Variants in DIAPH1 observed in about 807,000 individuals in gnomAD.
The protein encoded by DIAPH1 is diaphanous related formin 1.
In DIAPH1, 46 loss-of-function variants were observed where a neutral mutation model predicts 140.7. The observed-to-expected ratio is 0.33, with a 90% confidence interval of 0.26 to 0.42. The LOEUF is 0.42. DIAPH1 is among the 10% of genes least tolerant of loss of function. The pLI, the probability that DIAPH1 is intolerant of heterozygous loss-of-function variation, is 1.00. For synonymous variants in DIAPH1, 565 were observed against 551.6 expected (o/e 1.02, Z -0.34); for missense variants, 1,310 against 1,558.7 (o/e 0.84, Z 2.69).
chr5:141,578,526 G>C lies in DIAPH1; in HGVS notation c.1033C>G (p.Gln345Glu). The change falls in exon 10 of 28, where the codon CAG becomes GAG. Residue 345 changes from glutamine to glutamate, a missense_variant. By Grantham distance (29) the Gln-to-Glu change is conservative (BLOSUM62 2). Coordinates refer to ENST00000389054, the MANE Select transcript of DIAPH1 (RefSeq NM_005219.5). ...GTGTAATATCTTACCTGCAACACCT[G>C]ATGTAGCCCCAAACGCATCAGTTCA... ...RSELMRLGLH[Q>E]VLQDLREIEN... is the part of the protein sequence containing the mutation. 6.2e-7 allele frequency: 1 copy of C among 1,613,724 alleles called. No homozygotes were observed. The highest frequency in any genetic ancestry group is 8.5e-7 in the Non-Finnish European group (1 of 1,179,670).
chr5:141,601,764 T>C, intron 1 of DIAPH1, among the ~76,000 whole-genome samples: 1 of 152,248 alleles, frequency 6.6e-6, no homozygotes, highest in East Asian at 1.9e-4. Context: ...AGTATATTTA[T>C]TCTTTCATTA....
At chr5:141,558,342 T>G (rs1195727346) in intron 18 of DIAPH1, 1 of 152,128 alleles carries the variant, frequency 6.6e-6, no homozygotes, top group Non-Finnish European at 1.5e-5. Flanking sequence ...AATAATGGAC[T>G]AATGACCCCC....
chr5:141,573,789 G>C lies in DIAPH1; in HGVS notation c.2061C>G (p.Ile687Met), dbSNP rs1436744741. ...CAGGCAAAGGAGGTGGTGGTGGGGG[G>C]ATTCTAGCACTCCCAGGCAAAGGAG... ...PPPPLPGSAR[I>M]PPPPPPLPGS... The change falls in exon 16 of 28, where the codon ATC becomes ATG. Residue 687 changes from isoleucine to methionine, a missense_variant. This residue lies in a region of DIAPH1 where 589 missense variants were observed against 549.3 expected (regional missense o/e 1.07). Transcript: ENST00000389054. The C allele has an allele frequency of 9.9e-7, 1 of 1,013,780 alleles. No individual in the cohort carries two copies. The highest frequency in any genetic ancestry group is 1.3e-6 in the Non-Finnish European group (1 of 757,298). The allele number at this position is 1,013,780 out of a possible 1,614,324, so 62.8% of individuals were successfully genotyped here. A position where few individuals can be genotyped will look rare whatever the true frequency, so the allele number is the denominator to read the frequency against.
At chr5:141,542,423 A>ACT (rs771263492) in intron 18 of DIAPH1, among the ~76,000 whole-genome samples, 159 of 150,616 alleles carry the variant, frequency 1.1e-3, no homozygotes, top group Non-Finnish European at 1.8e-3. Flanking sequence ...ACAGAGTGGG[A>ACT]CTCTGTCTTG....
chr5:141,517,891 G>A (rs1342652835), intron 27 of DIAPH1, among the ~76,000 whole-genome samples: 1 of 152,142 alleles, frequency 6.6e-6, no homozygotes, highest in Non-Finnish European at 1.5e-5. Flanking sequence ...ATTCATTTAT[G>A]GTATCTAGGC....
rs1165421953 is a variant in DIAPH1 at position 141,515,191 on chromosome 5, G to C, written c.*1660C>G. 1 of 152,312 alleles carries C rather than the reference G, an allele frequency of 6.6e-6. No homozygotes were observed. Among genetic ancestry groups the C allele is most frequent in the African/African-American group, 2.4e-5 (1 of 41,328 alleles). The allele number at this position is 152,312 out of a possible 1,614,324, so 9.4% of individuals were successfully genotyped here. A position where few individuals can be genotyped will look rare whatever the true frequency, so the allele number is the denominator to read the frequency against. On this transcript the variant is annotated 3_prime_UTR_variant, in exon 28 of 28. Transcript: ENST00000389054. ...ATCTTAGCAAAAGTAGATTAAAAAA[G>C]AAAGGGTCAAAGCCCCAGATGTCAG...
At chr5:141,554,206 G>A (rs1417207930) in intron 18 of DIAPH1, among the ~76,000 whole-genome samples, 2 of 152,262 alleles carry the variant, frequency 1.3e-5, no homozygotes, top group African/African-American at 4.8e-5. Context: ...GAACCTGAGA[G>A]GCAGAGGTTG....
rs2099896899 is a variant in DIAPH1 at position 141,582,300 on chromosome 5, G to GA, written c.684+11dup. The GA allele has an allele frequency of 6.2e-7, 1 of 1,611,560 alleles. No homozygotes were observed. The highest frequency in any genetic ancestry group is 1.1e-5 in the South Asian group (1 of 91,032). Reference sequence around the variant, plus strand: ...CAGATGGGGTTTGGAATGAGAATGGGAAAAATCTCACCTTGTTGTTCATAA... The same window carrying GA: ...CAGATGGGGTTTGGAATGAGAATGGGAAAAAATCTCACCTTGTTGTTCATAA... On this transcript the variant is annotated intron_variant, in intron 7 of 27. Transcript: ENST00000389054.
chr5:141,560,924 G>A (rs1036792119), intron 18 of DIAPH1: 3 of 456,014 alleles, frequency 6.6e-6, no homozygotes, highest in Non-Finnish European at 1.3e-5. Context: ...GCCAGGAAAG[G>A]GTGGGGAAAG....
rs550939719 is a variant in DIAPH1 at position 141,567,352 on chromosome 5, C to G, written c.2482+4076G>C. On this transcript the variant is annotated intron_variant, in intron 18 of 27. Coordinates refer to ENST00000389054, the MANE Select transcript of DIAPH1 (RefSeq NM_005219.5). ...TTTCCATGTGAAGAAGTTCTGGAAA[C>G]CCCAGATAATAGGGATAGATTTATA... Among the ~76,000 whole-genome samples, 5 of 152,156 alleles carry G rather than the reference C, an allele frequency of 3.3e-5. No individual in the cohort carries two copies. The East Asian group carries it at 7.7e-4, about 23-fold the overall frequency.
intron 19 of DIAPH1, among the ~76,000 whole-genome samples, chr5:141,532,318 C>T (rs1026936856): frequency 1.6e-4 from 24 of 152,116 alleles, no homozygotes; most frequent in Admixed American, 8.5e-4. Context: ...TACTGGCACA[C>T]GCCACTGTGC....
intron 18 of DIAPH1, among the ~76,000 whole-genome samples, chr5:141,571,182 C>T (rs1384311598): frequency 6.6e-6 from 1 of 152,180 alleles, no homozygotes; most frequent in South Asian, 2.1e-4. Flanking sequence ...TTGTCCCTCA[C>T]CTTCTAAAGA....
At chr5:141,610,683 C>T (rs2099901690) in intron 1 of DIAPH1, among the ~76,000 whole-genome samples, 1 of 151,996 alleles carries the variant, frequency 6.6e-6, no homozygotes, top group African/African-American at 2.4e-5. Flanking sequence ...AACTCCTGAC[C>T]TCGTGATCTG....
chr5:141,618,726 C>A, intron 1 of DIAPH1, 72 bp downstream of exon 1: 2 of 1,162,098 alleles, frequency 1.7e-6, no homozygotes, highest in East Asian at 2.9e-5. Context: ...GGCAGGCGCC[C>A]CAGGGGCCGG....
In DIAPH1 at chr5:141,576,771, T is replaced by C; in HGVS notation, c.1381A>G (p.Ile461Val). The C allele has an allele frequency of 4.3e-6, 7 of 1,610,698 alleles. No homozygotes were observed. Among genetic ancestry groups the C allele is most frequent in the Non-Finnish European group, 5.9e-6 (7 of 1,176,954 alleles). The change falls in exon 13 of 28, where the codon ATT becomes GTT. Residue 461 changes from isoleucine to valine, a missense_variant. By Grantham distance (29) the Ile-to-Val change is conservative. Transcript: ENST00000389054. ...GTATGCTTACCAATTAATCCCTCAA[T>C]CTCAATCTGGAGGTGCCGGCACTTG... ...DFKCRHLQIEIEGLIDQMIDK... is the reference protein window; with the variant it reads ...DFKCRHLQIEVEGLIDQMIDK...
At chr5:141,566,245 C>T (rs970346598) in intron 18 of DIAPH1, among the ~76,000 whole-genome samples, 1 of 152,036 alleles carries the variant, frequency 6.6e-6, no homozygotes, top group African/African-American at 2.4e-5. Context: ...GGATAGAGGA[C>T]AAAATCAGTA....
intron 27 of DIAPH1, among the ~76,000 whole-genome samples, chr5:141,522,570 G>A (rs2099886704): frequency 7.4e-6 from 1 of 135,136 alleles, no homozygotes; most frequent in African/African-American, 2.8e-5. Context: ...GCACTTAGCC[G>A]ACGGGGTCAA....
chr5:141,551,527 C>A (rs749888711), intron 18 of DIAPH1, among the ~76,000 whole-genome samples: 1 of 152,072 alleles, frequency 6.6e-6, no homozygotes, highest in Non-Finnish European at 1.5e-5. Flanking sequence ...ATAAATAACA[C>A]ACACAGAGAG....
At chr5:141,596,322 G>A (rs541076383) in intron 1 of DIAPH1, among the ~76,000 whole-genome samples, 2 of 151,562 alleles carry the variant, frequency 1.3e-5, no homozygotes, top group Admixed American at 1.3e-4. Context: ...GACAGAGCAA[G>A]ACTCTGTCTC....
Sources: gnomAD v4.1 joint callset for allele counts (sites outside exome capture counted in the v4.1 genomes callset) on GRCh38, gnomAD v4.1.1 for gene constraint, gnomAD v4.1.1 regional missense constraint, MANE v1.5 for transcripts, NCBI Gene and HGNC (gene_info 2026-07-23, HGNC 2026-07-21) for gene names.